The following NUCB2 variants were observed in gnomAD, a reference collection of about 807,000 sequenced individuals.
NUCB2 encodes nucleobindin 2, also known as nucleobindin-2.
Under a neutral mutation model 57.9 loss-of-function variants are expected in NUCB2, and 48 were observed. That is an observed-to-expected ratio of 0.83 (90% CI 0.66 to 1.05). The LOEUF (loss-of-function observed/expected upper bound fraction) is 1.05. Ranked by LOEUF, NUCB2 falls within the 50% of genes least tolerant of loss-of-function variation. NUCB2 has a pLI of 0.00. For synonymous variants in NUCB2, 139 were observed against 152.1 expected (o/e 0.91, Z 0.64); for missense variants, 442 against 476.2 (o/e 0.93, Z 0.67).
chr11:17,346,742 A>G (rs1952772899), intron 2 of NUCB2, among the ~76,000 whole-genome samples: 1 of 152,226 alleles, frequency 6.6e-6, no homozygotes, highest in African/African-American at 2.4e-5. Context: ...AACATGTTAT[A>G]TAACTACAGT....
chr11:17,279,931 A>G (rs1292791981), intron 1 of NUCB2, among the ~76,000 whole-genome samples: 2 of 152,062 alleles, frequency 1.3e-5, no homozygotes, highest in African/African-American at 2.4e-5. Flanking sequence ...CTAGGACTAA[A>G]GGAGCATGCC....
chr11:17,336,753 C>CA (rs71047542), downstream of NUCB2, among the ~76,000 whole-genome samples: 850 of 47,420 alleles, frequency 0.018, 137 homozygotes, highest in African/African-American at 0.029. Flanking sequence ...GACTCCGTCT[C>CA]AAAAAAAAAA....
chr11:17,304,892 T>C (rs966464650), intron 5 of NUCB2, among the ~76,000 whole-genome samples: 2 of 152,370 alleles, frequency 1.3e-5, no homozygotes, highest in African/African-American at 4.8e-5. Context: ...ACAATAACTT[T>C]TTGATACAAA....
chr11:17,305,793 C>CTT (rs907767088), intron 5 of NUCB2, among the ~76,000 whole-genome samples: 1 of 146,680 alleles, frequency 6.8e-6, no homozygotes. Flanking sequence ...GGCTAATTTT[C>CTT]TTTTTTTTTT....
At position 17,340,725 on chromosome 11, in the gene NUCB2, C is replaced by T. The variant is rs144669038; in HGVS notation, n.2626+3191C>T. 5.0e-3 allele frequency among the ~76,000 whole-genome samples: 768 copies of T among 152,264 alleles called. 9 individuals carry two copies. The highest frequency in any genetic ancestry group is 0.016 in the African/African-American group (652 of 41,528). On this transcript the variant is annotated intron_variant and non_coding_transcript_variant, in intron 2 of 2. Coordinates refer to the NUCB2 transcript ENST00000532240. ...TTGGTCTATATCTGTGTTTTGGTACCAGTACCGTGCTGTTTTGGTTACTGT... is the reference window on the plus strand; with the variant it reads ...TTGGTCTATATCTGTGTTTTGGTACTAGTACCGTGCTGTTTTGGTTACTGT...
At chr11:17,346,606 G>A (rs1373089222) in intron 2 of NUCB2, among the ~76,000 whole-genome samples, 1 of 152,182 alleles carries the variant, frequency 6.6e-6, no homozygotes, top group African/African-American at 2.4e-5. Context: ...TGGTATAGTG[G>A]AAAGTCCTGG....
chr11:17,343,533 T>C (rs148505075), intron 2 of NUCB2, among the ~76,000 whole-genome samples: 1 of 152,344 alleles, frequency 6.6e-6, no homozygotes, highest in East Asian at 1.9e-4. Context: ...ACCATGTTGT[T>C]TGGCCTATTT....
At chr11:17,306,733 A>G (rs1027973556) in intron 5 of NUCB2, among the ~76,000 whole-genome samples, 1 of 152,170 alleles carries the variant, frequency 6.6e-6, no homozygotes, top group African/African-American at 2.4e-5. Flanking sequence ...CCTGGCCAAC[A>G]TGGCAAAACC....
intron 8 of NUCB2, among the ~76,000 whole-genome samples, chr11:17,311,606 T>C (rs577247993): frequency 1.7e-4 from 26 of 152,322 alleles, no homozygotes; most frequent in African/African-American, 6.0e-4. Context: ...ACTTCTACTC[T>C]CATAGAATAT....
chr11:17,311,754 C>A (rs1227680854), intron 8 of NUCB2, 118 bp from the exon 9 acceptor site: 4 of 596,302 alleles, frequency 6.7e-6, no homozygotes, highest in Non-Finnish European at 1.2e-5. Context: ...TGCTTTTCTG[C>A]AGTCTATTGA....
intron 4 of NUCB2, among the ~76,000 whole-genome samples, chr11:17,299,206 T>C (rs953725088): frequency 2.0e-5 from 3 of 152,190 alleles, no homozygotes; most frequent in Admixed American, 6.5e-5. Context: ...GCTCCTTTAT[T>C]TCTCTCAATA....
intron 5 of NUCB2, among the ~76,000 whole-genome samples, chr11:17,309,090 G>A (rs1948106679): frequency 6.6e-6 from 1 of 152,082 alleles, no homozygotes; most frequent in Non-Finnish European, 1.5e-5. Context: ...GAGTTGGGAG[G>A]ATCACTTGAG....
intron 11 of NUCB2, among the ~76,000 whole-genome samples, chr11:17,315,997 G>A (rs1484375235): frequency 6.6e-6 from 1 of 151,958 alleles, no homozygotes; most frequent in Non-Finnish European, 1.5e-5. Flanking sequence ...TTTTGAGACA[G>A]AGTCTTGCTC....
chr11:17,315,493 A>G lies in NUCB2; in HGVS notation c.1002+18A>G, dbSNP rs1412548325. On this transcript the variant is annotated intron_variant, in intron 11 of 13. Coordinates refer to ENST00000529010, the MANE Select transcript of NUCB2 (RefSeq NM_005013.4). ...GCTGGGAGGTAATAGAACCTACTCT[A>G]AATGAGATGTATGGTTCAACAAATT... The G allele has an allele frequency of 1.4e-6, 2 of 1,456,390 alleles. No individual in the cohort carries two copies. The highest frequency in any genetic ancestry group is 2.3e-5 in the East Asian group (1 of 43,972). 90.2% of individuals were successfully genotyped at this position (1,456,390 alleles called of 1,614,324 possible). A position where few individuals can be genotyped will look rare whatever the true frequency, so the allele number is the denominator to read the frequency against.
intron 2 of NUCB2, among the ~76,000 whole-genome samples, chr11:17,287,916 T>G (rs1206675559): frequency 1.3e-5 from 2 of 152,090 alleles, no homozygotes; most frequent in African/African-American, 4.8e-5. Flanking sequence ...AGGAATCGCT[T>G]GAACCCAGGA....
At chr11:17,301,439 C>T (rs1411803973) in intron 4 of NUCB2, among the ~76,000 whole-genome samples, 4 of 151,428 alleles carry the variant, frequency 2.6e-5, no homozygotes, top group East Asian at 3.9e-4. Context: ...GTCACCATGC[C>T]CAGCTAATTT....
At chr11:17,314,991 TA>T (rs575077720) in intron 10 of NUCB2, among the ~76,000 whole-genome samples, 154 of 152,324 alleles carry the variant, frequency 1.0e-3, no homozygotes, top group African/African-American at 3.5e-3. Flanking sequence ...TACTCTTGGC[TA>T]AAACCGTCCT....
chr11:17,322,966 GTT>G (rs537782552), intron 11 of NUCB2, among the ~76,000 whole-genome samples: 1 of 148,238 alleles, frequency 6.7e-6, no homozygotes, highest in African/African-American at 2.5e-5. Context: ...GGTTCTAATA[GTT>G]TTTTTTTTGT....
At chr11:17,312,683 G>C in intron 10 of NUCB2, among the ~76,000 whole-genome samples, 1 of 149,080 alleles carries the variant, frequency 6.7e-6, no homozygotes, top group East Asian at 2.0e-4. Flanking sequence ...GATTATAGAT[G>C]GGATTACAGG....
Sources: allele counts gnomAD v4.1 joint callset (sites outside exome capture counted in the v4.1 genomes callset), GRCh38; gene constraint gnomAD v4.1.1; transcripts MANE v1.5; gene names NCBI Gene and HGNC (gene_info 2026-07-23, HGNC 2026-07-21).